Variants in ILRUN observed in about 807,000 individuals in gnomAD.
ILRUN encodes protein ILRUN.
Under a neutral mutation model 33.8 loss-of-function variants are expected in ILRUN, and 3 were observed. The observed-to-expected ratio is 0.09, with a 90% confidence interval of 0.04 to 0.23. The LOEUF (loss-of-function observed/expected upper bound fraction) is 0.23, where lower values mean the gene tolerates loss of function less well. Among genes scored for constraint, ILRUN ranks in the 10% least tolerant of loss-of-function variants. ILRUN has a pLI of 1.00. For missense variants in ILRUN, 210 were observed against 375.1 expected, an observed-to-expected ratio of 0.56 and a Z score of 3.64; for synonymous variants, 124 against 138.9, an observed-to-expected ratio of 0.89 and a Z score of 0.75.
chr6:34,598,964 T>C (rs1761455432), intron 4 of ILRUN, among the ~76,000 whole-genome samples: 1 of 152,210 alleles, frequency 6.6e-6, no homozygotes, highest in Non-Finnish European at 1.5e-5. Flanking sequence ...CTGGGACAGG[T>C]CCCTTGGTTG....
At chr6:34,669,154 C>T (rs1208520304) in intron 1 of ILRUN, among the ~76,000 whole-genome samples, 1 of 151,806 alleles carries the variant, frequency 6.6e-6, no homozygotes, top group African/African-American at 2.4e-5. Context: ...GAGACAGTCT[C>T]ATTCTGTTGC....
chr6:34,624,728 A>T (rs1762080304), intron 3 of ILRUN, among the ~76,000 whole-genome samples: 1 of 152,202 alleles, frequency 6.6e-6, no homozygotes, highest in Non-Finnish European at 1.5e-5. Context: ...CTACAGAGCT[A>T]ATGTGTTAGT....
intron 4 of ILRUN, among the ~76,000 whole-genome samples, chr6:34,601,703 C>T (rs1333165841): frequency 6.6e-6 from 1 of 150,822 alleles, no homozygotes; most frequent in South Asian, 2.1e-4. Flanking sequence ...CCTCCAGTAC[C>T]CGCCCCCCCA....
At chr6:34,660,370 A>T (rs1385405152) in intron 1 of ILRUN, among the ~76,000 whole-genome samples, 1 of 152,122 alleles carries the variant, frequency 6.6e-6, no homozygotes, top group Non-Finnish European at 1.5e-5. Flanking sequence ...CAAGGAAAAA[A>T]AAAAAACTAG....
chr6:34,693,728 G>A (rs1226790357), intron 1 of ILRUN, among the ~76,000 whole-genome samples: 3 of 149,644 alleles, frequency 2.0e-5, no homozygotes, highest in Admixed American at 1.3e-4. Flanking sequence ...GTGCAGTGGC[G>A]CAATCTCGGC....
At chr6:34,600,956 C>T in intron 4 of ILRUN, among the ~76,000 whole-genome samples, 1 of 152,086 alleles carries the variant, frequency 6.6e-6, no homozygotes, top group Non-Finnish European at 1.5e-5. Context: ...GTCTTATCAC[C>T]CCGGTACATG....
chr6:34,688,902 AGC>A (rs1349498413), intron 1 of ILRUN, among the ~76,000 whole-genome samples: 6 of 152,090 alleles, frequency 3.9e-5, no homozygotes, highest in Non-Finnish European at 8.8e-5. Context: ...CGGAGGTTAC[AGC>A]GAGCCAAGAT....
chr6:34,624,590 T>C (rs1277930195), intron 3 of ILRUN, among the ~76,000 whole-genome samples: 1 of 152,080 alleles, frequency 6.6e-6, no homozygotes, highest in Non-Finnish European at 1.5e-5. Context: ...TGCCTGGGCC[T>C]CCCAAAGTGC....
intron 1 of ILRUN, among the ~76,000 whole-genome samples, chr6:34,693,122 A>G (rs777152369): frequency 2.7e-4 from 41 of 152,222 alleles, no homozygotes; most frequent in Non-Finnish European, 5.7e-4. Flanking sequence ...AGGTAAACAT[A>G]GGAATCAAAA....
chr6:34,683,539 A>T, intron 1 of ILRUN, among the ~76,000 whole-genome samples: 1 of 138,220 alleles, frequency 7.2e-6, no homozygotes, highest in Non-Finnish European at 1.5e-5. Context: ...CATATTGCAC[A>T]GAATATTCTG....
chr6:34,599,992 T>C (rs1423683433), intron 4 of ILRUN, among the ~76,000 whole-genome samples: 1 of 152,180 alleles, frequency 6.6e-6, no homozygotes, highest in East Asian at 1.9e-4. Flanking sequence ...ATGGACCACT[T>C]CTCTTACCTC....
chr6:34,641,144 A>C lies in ILRUN; in HGVS notation c.511+5457T>G, dbSNP rs1327669252. Among the ~76,000 whole-genome samples the C allele has an allele frequency of 2.6e-5, 4 of 152,092 alleles. No individual in the cohort carries two copies. The East Asian group carries it at 7.7e-4, about 29-fold the overall frequency. ...CCACCAAAAACAGAAACCTCCAAAA[A>C]GCAATCTTTTGTTGTTAAAACAGAA... On this transcript the variant is annotated intron_variant, in intron 3 of 4. Transcript: ENST00000374023.
intron 3 of ILRUN, among the ~76,000 whole-genome samples, chr6:34,624,325 TA>T (rs1762071143): frequency 6.6e-6 from 1 of 152,118 alleles, no homozygotes; most frequent in East Asian, 1.9e-4. Context: ...TTTATTTTTT[TA>T]TTTTTTTATT....
At chr6:34,615,954 T>C (rs750208659) in intron 3 of ILRUN, among the ~76,000 whole-genome samples, 5 of 152,244 alleles carry the variant, frequency 3.3e-5, no homozygotes, top group Non-Finnish European at 7.3e-5. Flanking sequence ...AGTCTGCTTT[T>C]GACCAGCAGT....
At chr6:34,609,415 G>A (rs1425980300) in intron 3 of ILRUN, among the ~76,000 whole-genome samples, 2 of 152,182 alleles carry the variant, frequency 1.3e-5, no homozygotes, top group Non-Finnish European at 2.9e-5. Context: ...GCTTGAACCT[G>A]GGAGGCGGAG....
chr6:34,629,803 GC>G (rs1762208574), intron 3 of ILRUN, among the ~76,000 whole-genome samples: 1 of 151,924 alleles, frequency 6.6e-6, no homozygotes, highest in African/African-American at 2.4e-5. Flanking sequence ...TGTATGTTAC[GC>G]CTTTTGTAGT....
In ILRUN at chr6:34,692,334, A is replaced by G. The variant is rs145861670; in HGVS notation, c.158+4112T>C. ...TTTTTAATTTACCACATTATTTTCT[A>G]ATAGACAACTGAATGGTATTTATTA... On this transcript the variant is annotated intron_variant, in intron 1 of 4. Transcript: ENST00000374023. 1.2e-4 allele frequency among the ~76,000 whole-genome samples: 19 copies of G among 152,254 alleles called. No homozygotes were observed. In the East Asian group the frequency reaches 3.7e-3, roughly 29 times the overall value.
At chr6:34,683,453 CAT>C (rs1451602188) in intron 1 of ILRUN, among the ~76,000 whole-genome samples, 4,167 of 96,568 alleles carry the variant, frequency 0.043, 279 homozygotes, top group African/African-American at 0.17. Context: ...TATATATATA[CAT>C]ATATATACAT....
intron 1 of ILRUN, among the ~76,000 whole-genome samples, chr6:34,696,159 C>T (rs1763766345): frequency 1.3e-5 from 2 of 152,192 alleles, no homozygotes; most frequent in African/African-American, 4.8e-5. Flanking sequence ...CTTTTCCCCT[C>T]ATCCCACGTC....
Sources: allele counts gnomAD v4.1 joint callset (sites outside exome capture counted in the v4.1 genomes callset), GRCh38; gene constraint gnomAD v4.1.1; transcripts MANE v1.5; gene names NCBI Gene and HGNC (gene_info 2026-07-23, HGNC 2026-07-21).